The following JAZF1 variants were observed in gnomAD, a reference collection of about 807,000 sequenced individuals.
JAZF1 encodes JAZF zinc finger 1, also known as juxtaposed with another zinc finger protein 1.
A neutral mutation model predicts 26.4 loss-of-function variants in JAZF1; 8 were observed. The observed-to-expected ratio is 0.30, with a 90% CI of 0.18 to 0.55. JAZF1 has a LOEUF of 0.55. JAZF1 is among the 20% of genes least tolerant of loss of function. JAZF1 has a pLI of 0.94. For synonymous variants in JAZF1, 126 were observed against 122.3 expected, an observed-to-expected ratio of 1.03 and a Z score of -0.20; for missense variants, 199 against 322.0, an observed-to-expected ratio of 0.62 and a Z score of 2.92.
chr7:28,030,783 A>G (rs1040189546), intron 1 of JAZF1, among the ~76,000 whole-genome samples: 5 of 152,146 alleles, frequency 3.3e-5, no homozygotes, highest in Admixed American at 2.0e-4. Context: ...CTTTTGGTTT[A>G]GGGAGAGAGA....
intron 1 of JAZF1, among the ~76,000 whole-genome samples, chr7:28,177,020 C>G (rs559049748): frequency 7.2e-5 from 11 of 152,096 alleles, no homozygotes; most frequent in Non-Finnish European, 1.3e-4. Flanking sequence ...CCTGCTTTTC[C>G]CATCTCCATG....
chr7:27,886,048 T>C (rs1231483227), intron 3 of JAZF1, among the ~76,000 whole-genome samples: 1 of 152,216 alleles, frequency 6.6e-6, no homozygotes, highest in Non-Finnish European at 1.5e-5. Flanking sequence ...ATGGGGCTTA[T>C]TTACTAATGC....
rs1782705380 is a variant in JAZF1 at position 27,831,724 on chromosome 7, T to C, written c.*1076A>G. On this transcript the variant is annotated 3_prime_UTR_variant, in exon 5 of 5. Transcript: ENST00000283928. The stretch of plus-strand genomic sequence containing the variant: ...TTTTAAAAAAAGTAAAAAATGAGCA[T>C]GAAGAAGAGGCAATAGGGGTCTTAA... 1 of 225,634 alleles carries C rather than the reference T, an allele frequency of 4.4e-6. No individual in the cohort carries two copies. The highest frequency in any genetic ancestry group is 1.8e-4 in the South Asian group (1 of 5,456). 14.0% of individuals were successfully genotyped at this position (225,634 alleles called of 1,614,324 possible). A position where few individuals can be genotyped will look rare whatever the true frequency, so the allele number is the denominator to read the frequency against.
intron 1 of JAZF1, among the ~76,000 whole-genome samples, chr7:28,126,572 A>G (rs1439190186): frequency 6.6e-6 from 1 of 152,128 alleles, no homozygotes; most frequent in Non-Finnish European, 1.5e-5. Flanking sequence ...AACAGCACAG[A>G]GACCAGAGGC....
intron 1 of JAZF1, among the ~76,000 whole-genome samples, chr7:28,058,751 C>T (rs1009535495): frequency 1.2e-4 from 19 of 152,278 alleles, no homozygotes; most frequent in African/African-American, 3.8e-4. Context: ...TGCATGCATG[C>T]TTCATAATTT....
chr7:27,854,912 T>C (rs1368903351), intron 3 of JAZF1, among the ~76,000 whole-genome samples: 1 of 152,222 alleles, frequency 6.6e-6, no homozygotes, highest in Non-Finnish European at 1.5e-5. Flanking sequence ...TGGCCTGTCT[T>C]GCTAGGTTGG....
intron 4 of JAZF1, among the ~76,000 whole-genome samples, chr7:27,835,742 A>G (rs1334817893): frequency 6.6e-6 from 1 of 152,198 alleles, no homozygotes; most frequent in African/African-American, 2.4e-5. Flanking sequence ...TCCTCTTTAC[A>G]AGACCAGAGG....
chr7:28,034,899 G>T (rs538929207), intron 1 of JAZF1, among the ~76,000 whole-genome samples: 2 of 152,136 alleles, frequency 1.3e-5, no homozygotes, highest in Admixed American at 1.3e-4. Flanking sequence ...AACAAAGTGT[G>T]ATTTTTTACT....
intron 3 of JAZF1, among the ~76,000 whole-genome samples, chr7:27,879,999 A>T (rs544600732): frequency 6.6e-6 from 1 of 152,316 alleles, no homozygotes; most frequent in Non-Finnish European, 1.5e-5. Context: ...CAGTAAATAC[A>T]AATTCTAGGA....
intron 1 of JAZF1, among the ~76,000 whole-genome samples, chr7:28,129,136 G>C (rs1457826884): frequency 2.0e-5 from 3 of 149,382 alleles, no homozygotes; most frequent in African/African-American, 5.0e-5. Context: ...GTCTTTCTTA[G>C]TCATACAAGA....
intron 3 of JAZF1, 64 bp downstream of exon 3, chr7:27,895,156 A>C: frequency 4.3e-6 from 5 of 1,156,644 alleles, no homozygotes; most frequent in South Asian, 1.7e-5. Context: ...CCCCCAGCAC[A>C]TCACACACAC....
chr7:28,050,038 T>G (rs1226246467), intron 1 of JAZF1, among the ~76,000 whole-genome samples: 1 of 152,200 alleles, frequency 6.6e-6, no homozygotes, highest in Non-Finnish European at 1.5e-5. Flanking sequence ...TTGGTCTTTC[T>G]GGTGGCCAGC....
intron 1 of JAZF1, among the ~76,000 whole-genome samples, chr7:28,169,103 A>G (rs1213379810): frequency 6.6e-6 from 1 of 152,240 alleles, no homozygotes; most frequent in Non-Finnish European, 1.5e-5. Context: ...GTTATGTCAG[A>G]TATACTACAC....
intron 2 of JAZF1, among the ~76,000 whole-genome samples, chr7:27,989,048 G>T (rs1384078150): frequency 1.3e-5 from 2 of 151,696 alleles, no homozygotes; most frequent in Non-Finnish European, 2.9e-5. Context: ...ATACTACAAG[G>T]CTACAGTAAC....
chr7:27,842,647 C>T (rs890646505), intron 3 of JAZF1: 3 of 152,120 alleles, frequency 2.0e-5, no homozygotes, highest in East Asian at 3.9e-4. Flanking sequence ...CACTTGGCCA[C>T]GTTGCTTGGG....
chr7:27,847,758 C>T (rs144311866), intron 3 of JAZF1, among the ~76,000 whole-genome samples: 64 of 152,242 alleles, frequency 4.2e-4, no homozygotes, highest in African/African-American at 1.4e-3. Flanking sequence ...ACCTCCGCCT[C>T]GTAGGTTCGA....
chr7:28,118,761 TACACAC>T (rs10612400), intron 1 of JAZF1, among the ~76,000 whole-genome samples: 1,768 of 148,588 alleles, frequency 0.012, 16 homozygotes, highest in Non-Finnish European at 0.013. Context: ...AAGAGAGTTT[TACACAC>T]ACACACACAC....
chr7:28,052,706 A>G (rs1383263447), intron 1 of JAZF1, among the ~76,000 whole-genome samples: 3 of 152,330 alleles, frequency 2.0e-5, no homozygotes, highest in African/African-American at 7.2e-5. Context: ...ACTAGGATGT[A>G]AAAATAAAAC....
At chr7:27,988,943 A>AAAC (rs1785831339) in intron 2 of JAZF1, among the ~76,000 whole-genome samples, 2 of 146,830 alleles carry the variant, frequency 1.4e-5, no homozygotes, top group Admixed American at 6.8e-5. Flanking sequence ...AAAAAAAAAA[A>AAAC]AGTTCATATG....
Sources: allele counts gnomAD v4.1 joint callset (sites outside exome capture counted in the v4.1 genomes callset), GRCh38; gene constraint gnomAD v4.1.1; transcripts MANE v1.5; gene names NCBI Gene and HGNC (gene_info 2026-07-23, HGNC 2026-07-21).